SIRPG: variants seen among roughly 807,000 people sequenced by gnomAD.
SIRPG encodes signal-regulatory protein gamma.
In SIRPG, 38 loss-of-function variants were observed where a neutral mutation model predicts 35.7. That is an observed-to-expected ratio of 1.06 (90% CI 0.82 to 1.40). The LOEUF (loss-of-function observed/expected upper bound fraction) is 1.40, where lower values mean the gene tolerates loss of function less well. Ranked by LOEUF, SIRPG falls within the 40% of genes most tolerant of loss-of-function variation. SIRPG has a pLI of 0.00. For synonymous variants in SIRPG, 215 were observed against 190.4 expected (o/e 1.13, Z -1.06); for missense variants, 519 against 483.0 (o/e 1.07, Z -0.70).
chr20:1,681,418 A>ATG, the SIRPG span, among the ~76,000 whole-genome samples: 38 of 151,960 alleles, frequency 2.5e-4, no homozygotes, highest in Non-Finnish European at 4.7e-4. Flanking sequence ...TTCCTTATCT[A>ATG]TGTGTGTGTG....
chr20:1,659,398 C>T (rs566007041), upstream of SIRPG, among the ~76,000 whole-genome samples: 1 of 152,192 alleles, frequency 6.6e-6, no homozygotes, highest in Non-Finnish European at 1.5e-5. Context: ...CTTCTCCACA[C>T]CCACAGTAGT....
In SIRPG at chr20:1,650,004, G is replaced by GTATGTATGTATATATATATATATATA. The variant is rs2091929374; in HGVS notation, c.74-597_74-596insTATATATATATATATATACATACATA. 8.1e-5 allele frequency among the ~76,000 whole-genome samples: 8 copies of GTATGTATGTATATATATATATATATA among 98,820 alleles called. No homozygotes were observed. The South Asian group carries it at 2.5e-3, about 31-fold the overall frequency. 64.8% of individuals were successfully genotyped at this position (98,820 alleles called of 152,430 possible). A position where few individuals can be genotyped will look rare whatever the true frequency, so the allele number is the denominator to read the frequency against. On this transcript the variant is annotated intron_variant, in intron 1 of 5. Coordinates refer to ENST00000303415, the MANE Select transcript of SIRPG (RefSeq NM_018556.4). ...ACTCCTGAACTCTACTTTGAAGTGT[G>GTATGTATGTATATATATATATATATA]TATATATATATATATATATATATGT... is the stretch of plus-strand genomic sequence containing the variant.
At position 1,657,728 on chromosome 20, in the gene SIRPG, G is replaced by A; in HGVS notation, c.-14C>T. On this transcript the variant is annotated 5_prime_UTR_variant, in exon 1 of 6. Coordinates refer to ENST00000303415, the MANE Select transcript of SIRPG (RefSeq NM_018556.4). ...TGGGACAGGCATTTTGGAGACCTCA[G>A]AAGCCTGCTCTGTTCAAACGTCTGT... is the stretch of plus-strand genomic sequence containing the variant. The A allele has an allele frequency of 6.2e-7, 1 of 1,613,572 alleles. No individual in the cohort carries two copies. The highest frequency in any genetic ancestry group is 8.5e-7 in the Non-Finnish European group (1 of 1,179,486).
the SIRPG span, among the ~76,000 whole-genome samples, chr20:1,675,514 C>T: frequency 6.6e-6 from 1 of 152,146 alleles, no homozygotes; most frequent in Non-Finnish European, 1.5e-5. Context: ...GAGGTTAGAG[C>T]ATTTCTTCAC....
chr20:1,683,059 C>T, the SIRPG span, among the ~76,000 whole-genome samples: 318 of 152,248 alleles, frequency 2.1e-3, 2 homozygotes, highest in African/African-American at 7.2e-3. Flanking sequence ...TATAAGGCAA[C>T]AACTCACTCA....
chr20:1,636,865 C>T (rs906294985), intron 2 of SIRPG, among the ~76,000 whole-genome samples: 3 of 147,792 alleles, frequency 2.0e-5, no homozygotes, highest in Admixed American at 2.0e-4. Flanking sequence ...AGCTCACCAA[C>T]CTCAGAGAGG....
intron 1 of SIRPG, among the ~76,000 whole-genome samples, chr20:1,650,004 G>GTGTA (rs774462534): frequency 3.0e-5 from 3 of 98,832 alleles, no homozygotes; most frequent in Non-Finnish European, 6.1e-5. Flanking sequence ...TTTGAAGTGT[G>GTGTA]TATATATATA....
the SIRPG span, among the ~76,000 whole-genome samples, chr20:1,679,465 G>T: frequency 1.3e-5 from 2 of 151,968 alleles, no homozygotes; most frequent in Non-Finnish European, 2.9e-5. Context: ...ATCCATCATG[G>T]TTTTTGTGTC....
At chr20:1,680,681 A>G in the SIRPG span, among the ~76,000 whole-genome samples, 1 of 150,556 alleles carries the variant, frequency 6.6e-6, no homozygotes, top group African/African-American at 2.4e-5. Context: ...GTAATGTACC[A>G]TATTTATGGA....
the SIRPG span, among the ~76,000 whole-genome samples, chr20:1,680,527 T>C: frequency 1.3e-5 from 2 of 152,220 alleles, no homozygotes; most frequent in African/African-American, 2.4e-5. Flanking sequence ...TTGGCATTAT[T>C]ACTGCTAGGT....
chr20:1,650,435 T>C (rs1600223151), intron 1 of SIRPG, among the ~76,000 whole-genome samples: 2 of 152,038 alleles, frequency 1.3e-5, no homozygotes, highest in African/African-American at 4.8e-5. Flanking sequence ...AACAGAAACT[T>C]AGAAGTTGAA....
chr20:1,686,307 G>T, the SIRPG span, among the ~76,000 whole-genome samples: 4 of 152,086 alleles, frequency 2.6e-5, no homozygotes, highest in Admixed American at 6.5e-5. Context: ...AGAGAGAAAG[G>T]GTTCTAGCCC....
chr20:1,658,546 A>C (rs192981711), upstream of SIRPG, among the ~76,000 whole-genome samples: 1 of 152,296 alleles, frequency 6.6e-6, no homozygotes, highest in East Asian at 1.9e-4. Context: ...ATGGGAAATG[A>C]GGAAAGAGGA....
intron 1 of SIRPG, among the ~76,000 whole-genome samples, chr20:1,657,045 G>A (rs1288149991): frequency 3.3e-5 from 5 of 152,142 alleles, no homozygotes; most frequent in African/African-American, 1.2e-4. Context: ...TATGGCTGAT[G>A]TTCTCATAAG....
chr20:1,647,716 G>T (rs565032024), intron 2 of SIRPG: 1 of 152,362 alleles, frequency 6.6e-6, no homozygotes, highest in South Asian at 2.1e-4. Flanking sequence ...AGCTGCTAAA[G>T]AGTGGAGCAG....
chr20:1,642,438 C>A (rs1276993433), intron 2 of SIRPG, among the ~76,000 whole-genome samples: 2 of 152,138 alleles, frequency 1.3e-5, no homozygotes, highest in South Asian at 2.1e-4. Context: ...TTCCTCCATC[C>A]GTTTGTTTTG....
At chr20:1,657,375 G>T (rs1229196356) in intron 1 of SIRPG, among the ~76,000 whole-genome samples, 4 of 152,170 alleles carry the variant, frequency 2.6e-5, no homozygotes, top group African/African-American at 9.7e-5. Flanking sequence ...ATTTAATAAT[G>T]ATTCTTCTGT....
At position 1,649,156 on chromosome 20, in the gene SIRPG, A is replaced by C; in HGVS notation, c.326T>G (p.Ile109Ser). ...NMDFSIRISS[I>S]TPADVGTYYC... ...GTATGTGCCGACATCTGCTGGGGTG[A>C]TGCTACTGATGCGGATGGAAAAGTC... The change falls in exon 2 of 6, where the codon ATC (isoleucine) becomes AGC (serine). Residue 109 changes from isoleucine (I) to serine (S), a missense_variant. Coordinates refer to ENST00000303415, the MANE Select transcript of SIRPG (RefSeq NM_018556.4). 6.2e-7 allele frequency: 1 copy of C among 1,614,038 alleles called. No individual in the cohort carries two copies. Among genetic ancestry groups the C allele is most frequent in the Non-Finnish European group, 8.5e-7 (1 of 1,179,992 alleles).
the SIRPG span, among the ~76,000 whole-genome samples, chr20:1,681,457 T>G: frequency 6.6e-6 from 1 of 152,302 alleles, no homozygotes; most frequent in South Asian, 2.1e-4. Flanking sequence ...GATAAGAATC[T>G]CTACCTTGGA....
Sources: gnomAD v4.1 joint callset for allele counts (sites outside exome capture counted in the v4.1 genomes callset) on GRCh38, gnomAD v4.1.1 for gene constraint, MANE v1.5 for transcripts, NCBI Gene and HGNC (gene_info 2026-07-23, HGNC 2026-07-21) for gene names.